The following PSMA6 variants were observed in gnomAD, a reference collection of about 807,000 sequenced individuals.
The protein encoded by PSMA6 is proteasome subunit alpha type-6.
For missense variants in PSMA6, 170 were observed against 294.8 expected (o/e 0.58, Z 3.10); for synonymous variants, 88 against 97.7 (o/e 0.90, Z 0.59).
At chr14:35,288,568 T>A (rs1424764508), upstream of PSMA6, among the ~76,000 whole-genome samples, 2 of 152,196 alleles carry the variant, frequency 1.3e-5, no homozygotes, top group Non-Finnish European at 2.9e-5. Flanking sequence ...GGAGCCTGAT[T>A]TTTAATCCTA....
chr14:35,305,002 A>G (rs2051797212), intron 1 of PSMA6, among the ~76,000 whole-genome samples: 1 of 152,166 alleles, frequency 6.6e-6, no homozygotes, highest in African/African-American at 2.4e-5. Flanking sequence ...CTGAATCAGA[A>G]GTTTGAGGCT....
chr14:35,289,501 T>G (rs962959788), upstream of PSMA6, among the ~76,000 whole-genome samples: 2 of 151,898 alleles, frequency 1.3e-5, no homozygotes, highest in African/African-American at 2.4e-5. Flanking sequence ...CATGGCTTTT[T>G]TTGTTGTTGT....
intron 1 of PSMA6, among the ~76,000 whole-genome samples, chr14:35,296,838 A>G (rs533407914): frequency 2.0e-5 from 3 of 152,336 alleles, no homozygotes; most frequent in African/African-American, 7.2e-5. Context: ...ATGTGTGTGC[A>G]TGCATACACA....
At chr14:35,278,611 T>C (rs61988272), upstream of PSMA6, 128,168 of 1,394,666 alleles carry the variant, frequency 0.092, 6,750 homozygotes, top group Non-Finnish European at 0.11. Context: ...ATTCCATCCA[T>C]GCGGCTCTGC....
intron 6 of PSMA6, chr14:35,316,023 G>A (rs1292805710): frequency 1.3e-5 from 2 of 152,166 alleles, no homozygotes; most frequent in Non-Finnish European, 2.9e-5. Flanking sequence ...TAGAAGTCTA[G>A]TAGTAATAGG....
At chr14:35,293,171 A>G in intron 1 of PSMA6, 1 of 364,670 alleles carries the variant, frequency 2.7e-6, no homozygotes. Flanking sequence ...ATCTGATAGA[A>G]TGAGTGACTC....
chr14:35,281,401 G>C (rs1336419809), intron 1 of PSMA6, among the ~76,000 whole-genome samples: 2 of 152,096 alleles, frequency 1.3e-5, no homozygotes, highest in Non-Finnish European at 2.9e-5. Flanking sequence ...TTCCTTTTCT[G>C]TTAAGTGGGG....
At chr14:35,297,450 C>T (rs1246785591) in intron 1 of PSMA6, among the ~76,000 whole-genome samples, 4 of 151,946 alleles carry the variant, frequency 2.6e-5, no homozygotes, top group Admixed American at 1.3e-4. Flanking sequence ...CTCCTGACCT[C>T]GTGATCCGCC....
At chr14:35,296,269 GC>G (rs1166341962) in intron 1 of PSMA6, among the ~76,000 whole-genome samples, 1 of 152,076 alleles carries the variant, frequency 6.6e-6, no homozygotes, top group Non-Finnish European at 1.5e-5. Context: ...TAAATGTAAA[GC>G]ATTTAAAACA....
intron 1 of PSMA6, among the ~76,000 whole-genome samples, chr14:35,304,700 C>T (rs1255831378): frequency 1.3e-5 from 2 of 149,466 alleles, no homozygotes; most frequent in African/African-American, 4.9e-5. Flanking sequence ...GCACTCCAAC[C>T]TGGGCGACAG....
At chr14:35,298,585 G>GT (rs1214000773) in intron 1 of PSMA6, among the ~76,000 whole-genome samples, 2 of 152,048 alleles carry the variant, frequency 1.3e-5, no homozygotes, top group Non-Finnish European at 2.9e-5. Flanking sequence ...TTAGAGTTCT[G>GT]TAAGTTTCCA....
At chr14:35,280,642 A>G (rs539631257) in intron 1 of PSMA6, among the ~76,000 whole-genome samples, 2 of 152,182 alleles carry the variant, frequency 1.3e-5, no homozygotes, top group African/African-American at 4.8e-5. Context: ...TTGGCCTCCC[A>G]AAGTGCTGGG....
chr14:35,291,353 G>A (rs2051477106), upstream of PSMA6, among the ~76,000 whole-genome samples: 1 of 152,066 alleles, frequency 6.6e-6, no homozygotes, highest in Admixed American at 6.5e-5. Flanking sequence ...AAGTATATGG[G>A]ACTACAGGCG....
At chr14:35,292,254 C>T (rs112979302), upstream of PSMA6, 255 of 1,337,824 alleles carry the variant, frequency 1.9e-4, 1 homozygote, top group Middle Eastern at 2.8e-4. Context: ...CAGGCGCATA[C>T]CTTCAAAGGC....
intron 1 of PSMA6, among the ~76,000 whole-genome samples, chr14:35,305,496 TTAAA>T (rs2051805376): frequency 6.6e-6 from 1 of 152,240 alleles, no homozygotes; most frequent in African/African-American, 2.4e-5. Context: ...TTGTTCTCTC[TTAAA>T]TAGTTAGCCA....
At chr14:35,308,169 C>G in intron 2 of PSMA6, 81 bp downstream of exon 2, 13 of 1,549,544 alleles carry the variant, frequency 8.4e-6, no homozygotes, top group Non-Finnish European at 1.1e-5. Flanking sequence ...CACCTGTAAT[C>G]CCAGCACTTT....
At chr14:35,298,259 G>T (rs1221467009) in intron 1 of PSMA6, among the ~76,000 whole-genome samples, 1 of 152,100 alleles carries the variant, frequency 6.6e-6, no homozygotes, top group Non-Finnish European at 1.5e-5. Flanking sequence ...GGAGGCCGAG[G>T]CAGGTGGATA....
At chr14:35,304,623 G>A (rs1040554376) in intron 1 of PSMA6, among the ~76,000 whole-genome samples, 11 of 151,954 alleles carry the variant, frequency 7.2e-5, no homozygotes, top group African/African-American at 1.7e-4. Context: ...CCAGCTACTC[G>A]GGAGGCTCAG....
At chr14:35,292,925 C>G (rs1430144102) in intron 1 of PSMA6, 3 of 474,022 alleles carry the variant, frequency 6.3e-6, no homozygotes, top group African/African-American at 2.0e-5. Context: ...AACTAAAATG[C>G]CTCCTCTCCG....
Sources: allele counts gnomAD v4.1 joint callset (sites outside exome capture counted in the v4.1 genomes callset), GRCh38; gene constraint gnomAD v4.1.1; transcripts MANE v1.5; gene names NCBI Gene and HGNC (gene_info 2026-07-23, HGNC 2026-07-21).